ACSS2: variants seen among roughly 807,000 people sequenced by gnomAD.
ACSS2 encodes acyl-CoA synthetase short chain family member 2, also known as acetyl-coenzyme A synthetase, cytoplasmic.
ACSS2 carries 58 observed loss-of-function variants against 90.6 expected under a neutral mutation model. The ratio of observed to expected loss-of-function variants is 0.64; its 90% confidence interval spans 0.52 to 0.80. The LOEUF is 0.80. Ranked by LOEUF, ACSS2 falls within the 30% of genes least tolerant of loss-of-function variation. ACSS2 has a pLI of 0.00. For missense variants in ACSS2, 759 were observed against 912.0 expected, an observed-to-expected ratio of 0.83 and a Z score of 2.16; for synonymous variants, 300 against 330.9, an observed-to-expected ratio of 0.91 and a Z score of 1.01.
At chr20:34,880,551 A>G (rs541380479) in intron 1 of ACSS2, among the ~76,000 whole-genome samples, 1 of 152,230 alleles carries the variant, frequency 6.6e-6, no homozygotes, top group East Asian at 1.9e-4. Flanking sequence ...GAGCTAAAAA[A>G]ATAATAATAA....
At chr20:34,897,455 TCATATAA>T (rs1568974707) in intron 2 of ACSS2, among the ~76,000 whole-genome samples, 2 of 152,202 alleles carry the variant, frequency 1.3e-5, no homozygotes, top group African/African-American at 2.4e-5. Flanking sequence ...ATAAATGGAA[TCATATAA>T]CACGTGGCCC....
intron 2 of ACSS2, among the ~76,000 whole-genome samples, chr20:34,886,158 C>T (rs764706881): frequency 8.5e-5 from 13 of 152,166 alleles, no homozygotes; most frequent in Admixed American, 1.3e-4. Context: ...TTTCTTACTA[C>T]GATAGATAAG....
At chr20:34,898,863 C>T (rs114913596) in intron 2 of ACSS2, among the ~76,000 whole-genome samples, 3,652 of 129,532 alleles carry the variant, frequency 0.028, 138 homozygotes, top group African/African-American at 0.096. Flanking sequence ...CGGTGCTCGT[C>T]GGGGGGGCTC....
chr20:34,876,613 CAAAG>C lies in ACSS2; in HGVS notation c.-32_-29del, dbSNP rs2079915256. ...TCAGTCCCGGCACCCGCCGCGACCG[CAAAG>C]GCGGCCGCGGTTCTAGGAACTTGAC... On this transcript the variant is annotated 5_prime_UTR_variant, in exon 1 of 18. Coordinates refer to ENST00000360596, the MANE Select transcript of ACSS2 (RefSeq NM_018677.4). The C allele has an allele frequency of 1.5e-6, 2 of 1,299,940 alleles. No individual in the cohort carries two copies. Among genetic ancestry groups the C allele is most frequent in the Middle Eastern group, 2.6e-4 (1 of 3,828 alleles). 80.5% of individuals were successfully genotyped at this position (1,299,940 alleles called of 1,614,324 possible).
intron 5 of ACSS2, 74 bp from the exon 6 acceptor site, chr20:34,914,022 G>A (rs2081022745): frequency 2.6e-6 from 4 of 1,529,118 alleles, no homozygotes; most frequent in East Asian, 4.5e-5. Flanking sequence ...TACTCAGGAA[G>A]GGCCCTATGG....
At chr20:34,917,620 A>C (rs1016935520) in intron 7 of ACSS2, among the ~76,000 whole-genome samples, 10 of 152,178 alleles carry the variant, frequency 6.6e-5, no homozygotes, top group African/African-American at 2.4e-4. Flanking sequence ...CATCATGTCT[A>C]CCTGCCAGCC....
intron 1 of ACSS2, among the ~76,000 whole-genome samples, chr20:34,879,418 T>C (rs1364301020): frequency 1.3e-5 from 2 of 151,920 alleles, no homozygotes; most frequent in Non-Finnish European, 2.9e-5. Flanking sequence ...CATTCACTGA[T>C]CATCCCAATT....
intron 14 of ACSS2, among the ~76,000 whole-genome samples, chr20:34,924,595 G>A (rs1452550161): frequency 5.3e-5 from 8 of 152,186 alleles, no homozygotes; most frequent in African/African-American, 1.7e-4. Context: ...ATTACATGAC[G>A]TTGGAGACGT....
Position 34,927,240 on chromosome 20 carries a change from T to A in ACSS2, c.*26T>A. On this transcript the variant is annotated 3_prime_UTR_variant, in exon 18 of 18. Coordinates refer to ENST00000360596, the MANE Select transcript of ACSS2 (RefSeq NM_018677.4). The surrounding 1 kb of genome is among the most constrained non-coding windows in gnomAD (Gnocchi z 4.2). The stretch of plus-strand genomic sequence containing the variant: ...ACATGATCCTGACCTTTACCTAGGA[T>A]TCCTCCTGCTCCAAACTTTGCCCAT... 6.2e-7 allele frequency: 1 copy of A among 1,610,988 alleles called. No individual in the cohort carries two copies. Among genetic ancestry groups the A allele is most frequent in the Non-Finnish European group, 8.5e-7 (1 of 1,179,880 alleles).
At chr20:34,890,642 C>T (rs1170252355) in intron 2 of ACSS2, among the ~76,000 whole-genome samples, 2 of 152,170 alleles carry the variant, frequency 1.3e-5, no homozygotes, top group East Asian at 1.9e-4. Context: ...AAGCCCAACA[C>T]ATTTGGTATC....
intron 1 of ACSS2, among the ~76,000 whole-genome samples, chr20:34,880,431 G>A (rs1286317902): frequency 6.6e-6 from 1 of 151,614 alleles, no homozygotes; most frequent in African/African-American, 2.4e-5. Flanking sequence ...ACTGGTGGGG[G>A]AGGGGGTACA....
chr20:34,899,423 T>TCTTTCTTTCC lies in ACSS2; in HGVS notation c.375-13673_375-13672insCTTTCTTTCC, dbSNP rs1555882567. 2.4e-3 allele frequency among the ~76,000 whole-genome samples: 266 copies of TCTTTCTTTCC among 113,068 alleles called. 4 individuals are homozygous for TCTTTCTTTCC. Among genetic ancestry groups the TCTTTCTTTCC allele is most frequent in the Middle Eastern group, 0.013 (3 of 240 alleles). The allele number at this position is 113,068 out of a possible 152,430, so 74.2% of individuals were successfully genotyped here. A position where few individuals can be genotyped will look rare whatever the true frequency, so the allele number is the denominator to read the frequency against. On this transcript the variant is annotated intron_variant, in intron 2 of 17. Coordinates refer to ENST00000360596, the MANE Select transcript of ACSS2 (RefSeq NM_018677.4). The stretch of plus-strand genomic sequence containing the variant: ...CTTTCCTTCTTTCTTTCTTTCTTTC[T>TCTTTCTTTCC]TTCCTTCCTTCCTTCCTTCCTTCCT...
intron 10 of ACSS2, 90 bp downstream of exon 10, chr20:34,921,229 C>A: frequency 1.9e-6 from 3 of 1,607,058 alleles, no homozygotes; most frequent in Non-Finnish European, 2.6e-6. Context: ...ATTGTCCCAA[C>A]TCTCTGACCT....
chr20:34,876,595 C>T (rs1304820149), upstream of ACSS2: 14 of 1,294,022 alleles, frequency 1.1e-5, no homozygotes, highest in Non-Finnish European at 9.9e-7. Context: ...TTCTCAGTCC[C>T]GGCACCCGCC....
At chr20:34,921,898 A>G in intron 13 of ACSS2, 32 bp downstream of exon 13, 1 of 1,593,440 alleles carries the variant, frequency 6.3e-7, no homozygotes, top group South Asian at 1.1e-5. Flanking sequence ...GTCTTTAAGG[A>G]GAGAGGGAAA....
Position 34,921,583 on chromosome 20 carries a change from A to G in ACSS2, c.1450A>G (p.Met484Val), listed in dbSNP as rs1320135868. ...MLTPLPGATPMKPGSATFPFF... is the reference protein window; with the variant it reads ...MLTPLPGATPVKPGSATFPFF... ...GACTCCCCTTCCTGGTGCCACACCC[A>G]TGAAACCCGGTTCTGCTGTGAGTGA... is the stretch of plus-strand genomic sequence containing the variant. Residue 484 changes from methionine to valine, a missense_variant, in exon 12 of 18, where the codon ATG (methionine) becomes GTG (valine). Coordinates refer to ENST00000360596, the MANE Select transcript of ACSS2 (RefSeq NM_018677.4). 1.9e-6 allele frequency: 3 copies of G among 1,614,094 alleles called. No homozygotes were observed. Among genetic ancestry groups the G allele is most frequent in the East Asian group, 4.5e-5 (2 of 44,898 alleles).
intron 1 of ACSS2, 55 bp from the exon 2 acceptor site, chr20:34,882,739 A>T: frequency 1.3e-6 from 2 of 1,566,970 alleles, no homozygotes; most frequent in South Asian, 1.1e-5. Flanking sequence ...AAGCCTTCTG[A>T]GGCTAAATAT....
At chr20:34,907,220 T>C (rs1035305858) in intron 2 of ACSS2, among the ~76,000 whole-genome samples, 7 of 151,260 alleles carry the variant, frequency 4.6e-5, no homozygotes, top group African/African-American at 1.7e-4. Flanking sequence ...TGGGCTCAGG[T>C]GATCCTCCCA....
At chr20:34,920,496 G>C in intron 8 of ACSS2, 43 bp from the exon 9 acceptor site, 1 of 1,591,526 alleles carries the variant, frequency 6.3e-7, no homozygotes. Flanking sequence ...TGGTCAGTAG[G>C]GGTGGGCATA....
Sources: allele counts gnomAD v4.1 joint callset (sites outside exome capture counted in the v4.1 genomes callset), GRCh38; gene constraint gnomAD v4.1.1; non-coding constraint Gnocchi (gnomAD v3.1); transcripts MANE v1.5; gene names NCBI Gene and HGNC (gene_info 2026-07-23, HGNC 2026-07-21).